TMEM64: variants seen among roughly 807,000 people sequenced by gnomAD.
TMEM64 encodes the protein transmembrane protein 64.
Under a neutral mutation model 24.5 loss-of-function variants are expected in TMEM64, and 19 were observed. The ratio of observed to expected loss-of-function variants is 0.78; its 90% CI spans 0.54 to 1.14. The LOEUF (loss-of-function observed/expected upper bound fraction) is 1.14. TMEM64 is among the 50% of genes most tolerant of loss of function. The pLI, the probability that TMEM64 is intolerant of heterozygous loss-of-function variation, is 0.00. For synonymous variants in TMEM64, 262 were observed against 224.7 expected (o/e 1.17, Z -1.49); for missense variants, 487 against 493.0 (o/e 0.99, Z 0.12).
intron 2 of TMEM64, among the ~76,000 whole-genome samples, chr8:90,627,800 A>G (rs189967422): frequency 2.6e-5 from 4 of 151,968 alleles, no homozygotes; most frequent in East Asian, 1.9e-4. Flanking sequence ...AGGCAAGTGG[A>G]AAAAAAAAGT....
At chr8:90,629,978 T>C (rs926440641) in intron 2 of TMEM64, among the ~76,000 whole-genome samples, 4 of 152,286 alleles carry the variant, frequency 2.6e-5, no homozygotes, top group South Asian at 4.1e-4. Flanking sequence ...TTGAGAATAA[T>C]GCCACCAAAA....
At position 90,645,550 on chromosome 8, in the gene TMEM64, C is replaced by T. The variant is rs1809683048; in HGVS notation, c.356G>A (p.Trp119Ter). Residue 119 changes from tryptophan (W) to a stop codon, truncating the protein, a stop_gained, in exon 1 of 3, where the codon TGG becomes TAG. Coordinates refer to ENST00000458549, the MANE Select transcript of TMEM64 (RefSeq NM_001008495.4). LOFTEE classifies it high-confidence loss of function. This position sits in a 1 kb window ranked among gnomAD's most constrained non-coding sequence, Gnocchi z 4.2. ...WRCCCLGSTCWCRSLVLVCVL... is the reference protein window; with the variant it reads ...WRCCCLGSTC ...GCAGACCAGCACGAGGCTCCGGCAC[C>T]AACAGGTGCTGCCGAGGCAGCAGCA... 1.9e-6 allele frequency: 3 copies of T among 1,547,474 alleles called. No individual in the cohort carries two copies. Among genetic ancestry groups the T allele is most frequent in the Admixed American group, 3.9e-5 (2 of 50,980 alleles).
chr8:90,632,345 CAG>C (rs1334592125), intron 1 of TMEM64, among the ~76,000 whole-genome samples: 12 of 152,074 alleles, frequency 7.9e-5, no homozygotes, highest in Admixed American at 6.6e-5. Flanking sequence ...GTTTTTGAGA[CAG>C]AGTCTTGCTC....
intron 1 of TMEM64, among the ~76,000 whole-genome samples, chr8:90,642,367 A>T (rs553853605): frequency 6.6e-6 from 1 of 152,224 alleles, no homozygotes; most frequent in East Asian, 1.9e-4. Context: ...CGCCCAGATG[A>T]ATTTCTCTAA....
chr8:90,645,461 G>A lies in TMEM64; in HGVS notation c.445C>T (p.Leu149=), dbSNP rs776607007. The change falls in exon 1 of 3, where the codon CTG becomes TTG. Residue 149 remains leucine (L), a synonymous_variant. Coordinates refer to ENST00000458549, the MANE Select transcript of TMEM64 (RefSeq NM_001008495.4). The surrounding 1 kb of genome is among the most constrained non-coding windows in gnomAD (Gnocchi z 4.2). ...AGCGAGTCAAGGCTCTCCACCCACA[G>A]CAGGAGGTGGTGAAGGTAGCGGCGG... ...LVRRYLHHLL[L]WVESLDSLLG... is the part of the protein sequence containing the mutation. 12 of 1,551,416 alleles carry A rather than the reference G, an allele frequency of 7.7e-6. No individual in the cohort carries two copies. Among genetic ancestry groups the A allele is most frequent in the African/African-American group, 1.4e-5 (1 of 73,054 alleles).
At position 90,622,790 on chromosome 8, in the gene TMEM64, C is replaced by T. The variant is rs1809300762; in HGVS notation, c.*2881G>A. Reference sequence around the variant, plus strand: ...CTATCAGGGAAAAGCCACCTAAAAGCATGTGTAGCTGGTTACAAAGTGCAT... The same window carrying T: ...CTATCAGGGAAAAGCCACCTAAAAGTATGTGTAGCTGGTTACAAAGTGCAT... On this transcript the variant is annotated 3_prime_UTR_variant, in exon 3 of 3. Transcript: ENST00000458549. 1.3e-5 allele frequency: 2 copies of T among 152,134 alleles called. No homozygotes were observed. Among genetic ancestry groups the T allele is most frequent in the South Asian group, 4.1e-4 (2 of 4,826 alleles). 9.4% of individuals were successfully genotyped at this position (152,134 alleles called of 1,614,324 possible).
At chr8:90,634,066 T>C (rs1027379111) in intron 1 of TMEM64, among the ~76,000 whole-genome samples, 4 of 152,168 alleles carry the variant, frequency 2.6e-5, no homozygotes, top group African/African-American at 9.6e-5. Context: ...TAAGAGTATA[T>C]TGTTGGTTTC....
In TMEM64 at chr8:90,645,885, G is replaced by A. The variant is rs2130516214; in HGVS notation, c.21C>T (p.Ile7=). The A allele has an allele frequency of 1.7e-5, 19 of 1,139,264 alleles. No homozygotes were observed. The South Asian group carries it at 1.7e-4, about 10-fold the overall frequency. The allele number at this position is 1,139,264 out of a possible 1,614,324, so 70.6% of individuals were successfully genotyped here. A position where few individuals can be genotyped will look rare whatever the true frequency, so the allele number is the denominator to read the frequency against. The change falls in exon 1 of 3, where the codon ATC becomes ATT. Residue 7 remains isoleucine, a synonymous_variant. Transcript: ENST00000458549. This position sits in a 1 kb window ranked among gnomAD's most constrained non-coding sequence, Gnocchi z 4.2. ...GCAGCCGGGGCAGCGCCTGGAGCAG[G>A]ATCCCGCCCGGGCTCCGCATGCCTC... The part of the protein sequence containing the change: MRSPGG[I]LLQALPRLLQ...
chr8:90,641,599 T>A (rs1331115480), intron 1 of TMEM64, among the ~76,000 whole-genome samples: 1 of 152,192 alleles, frequency 6.6e-6, no homozygotes, highest in African/African-American at 2.4e-5. Context: ...GGACCAACAC[T>A]AGTGCCTGGA....
chr8:90,637,509 T>G (rs1257180768), intron 1 of TMEM64, among the ~76,000 whole-genome samples: 1 of 152,220 alleles, frequency 6.6e-6, no homozygotes, highest in Non-Finnish European at 1.5e-5. Flanking sequence ...CTGTATAGAC[T>G]TGTTGCTTGG....
intron 1 of TMEM64, among the ~76,000 whole-genome samples, chr8:90,643,270 C>A (rs1309513633): frequency 1.3e-5 from 2 of 152,204 alleles, no homozygotes; most frequent in African/African-American, 4.8e-5. Flanking sequence ...GTCATAACAA[C>A]AGAAACGACA....
Position 90,637,229 on chromosome 8 carries a change from A to G in TMEM64, c.796-5522T>C, listed in dbSNP as rs185440054. 2.0e-3 allele frequency among the ~76,000 whole-genome samples: 307 copies of G among 152,350 alleles called. 1 individual carries two copies. The highest frequency in any genetic ancestry group is 6.9e-3 in the African/African-American group (289 of 41,584). On this transcript the variant is annotated intron_variant, in intron 1 of 2. Transcript: ENST00000458549. ...GAGAACCTCTGTCTTCAGATCATTC[A>G]CTGAAGCTGGGGTTGTGGTCGGTCC...
intron 1 of TMEM64, among the ~76,000 whole-genome samples, chr8:90,634,589 C>T (rs1199895386): frequency 1.3e-5 from 2 of 152,176 alleles, no homozygotes; most frequent in African/African-American, 4.8e-5. Context: ...GAAATCTCTA[C>T]AATATTAGGT....
rs777289284 is a variant in TMEM64 at position 90,631,658 on chromosome 8, A to C, written c.845T>G (p.Leu282Arg). ...AGAATTCAGAAGCTGGGTAGGAAGC[A>C]GTCCAACCGAAGATGCCATCAGATA... The part of the protein sequence containing the change: ...PNYLMASSVG[L>R]LPTQLLNSYL... Residue 282 changes from leucine to arginine, a missense_variant, in exon 2 of 3, where the codon CTG becomes CGG. Physicochemically the swap from Leu to Arg is moderately radical, Grantham distance 102. This residue lies in a region of TMEM64 where 419 missense variants were observed against 407.5 expected (regional missense o/e 1.03). Coordinates refer to ENST00000458549, the MANE Select transcript of TMEM64 (RefSeq NM_001008495.4). 6.2e-7 allele frequency: 1 copy of C among 1,613,804 alleles called. No homozygotes were observed. The highest frequency in any genetic ancestry group is 8.5e-7 in the Non-Finnish European group (1 of 1,179,698).
chr8:90,625,890 TATCA>T, intron 2 of TMEM64, 28 bp from the exon 3 acceptor site: 2 of 1,471,228 alleles, frequency 1.4e-6, no homozygotes, highest in South Asian at 1.3e-5. Context: ...ACATTACAGT[TATCA>T]ATATTTTATA....
At chr8:90,638,412 C>T (rs1809553901) in intron 1 of TMEM64, among the ~76,000 whole-genome samples, 1 of 152,168 alleles carries the variant, frequency 6.6e-6, no homozygotes, top group Admixed American at 6.5e-5. Flanking sequence ...ACTCAGTCAT[C>T]AATTACTCTA....
chr8:90,644,996 G>A (rs776528291), intron 1 of TMEM64, 115 bp downstream of exon 1: 21 of 1,140,372 alleles, frequency 1.8e-5, no homozygotes, highest in Middle Eastern at 2.3e-4. Flanking sequence ...CGTAACTCCT[G>A]CCGTCAATGT....
In TMEM64 at chr8:90,624,671, A is replaced by T. The variant is rs942667575; in HGVS notation, c.*1000T>A. On this transcript the variant is annotated 3_prime_UTR_variant, in exon 3 of 3. Transcript: ENST00000458549. ...CATATTTATAGTTTTAAAGCTGAAG[A>T]CTATGGGAACAATATATATGTACTT... The T allele has an allele frequency of 2.6e-5, 4 of 152,532 alleles. No individual in the cohort carries two copies. Among genetic ancestry groups the T allele is most frequent in the Admixed American group, 1.3e-4 (2 of 15,280 alleles). The allele number at this position is 152,532 out of a possible 1,614,324, so 9.4% of individuals were successfully genotyped here.
intron 1 of TMEM64, among the ~76,000 whole-genome samples, chr8:90,639,761 A>C (rs1809574729): frequency 6.6e-6 from 1 of 152,200 alleles, no homozygotes; most frequent in African/African-American, 2.4e-5. Flanking sequence ...AATGTTAATG[A>C]TGTTTTTCTT....
Sources: gnomAD v4.1 joint callset for allele counts (sites outside exome capture counted in the v4.1 genomes callset) on GRCh38, gnomAD v4.1.1 for gene constraint, gnomAD v4.1.1 regional missense constraint, Gnocchi (gnomAD v3.1) non-coding constraint, MANE v1.5 for transcripts, NCBI Gene and HGNC (gene_info 2026-07-23, HGNC 2026-07-21) for gene names.